IQCM: variants seen among roughly 807,000 people sequenced by gnomAD.
The protein encoded by IQCM is IQ domain-containing protein M.
IQCM carries 45 observed loss-of-function variants against 57.6 expected under a neutral mutation model. The observed-to-expected ratio is 0.78, with a 90% CI of 0.62 to 1.00. The LOEUF (loss-of-function observed/expected upper bound fraction) is 1.00. Among genes scored for constraint, IQCM ranks in the 50% least tolerant of loss-of-function variants. The probability of loss-of-function intolerance (pLI) is 0.00; values close to 1 mark genes in which losing one functional copy is unlikely to be tolerated. For synonymous variants in IQCM, 148 were observed against 158.9 expected (o/e 0.93, Z 0.51); for missense variants, 468 against 511.6 (o/e 0.91, Z 0.82).
At chr4:149,560,828 G>T (rs1230899509) in intron 10 of IQCM, among the ~76,000 whole-genome samples, 1 of 152,126 alleles carries the variant, frequency 6.6e-6, no homozygotes, top group Non-Finnish European at 1.5e-5. Context: ...CTCTGAAGTG[G>T]CAGTAAAGCA....
chr4:149,385,361 C>T (rs1377743868), intron 13 of IQCM, among the ~76,000 whole-genome samples: 1 of 151,888 alleles, frequency 6.6e-6, no homozygotes, highest in Non-Finnish European at 1.5e-5. Flanking sequence ...GCAGCCTGTG[C>T]CAGAATAACA....
intron 12 of IQCM, among the ~76,000 whole-genome samples, chr4:149,470,506 T>A (rs1739400770): frequency 6.6e-6 from 1 of 152,006 alleles, no homozygotes; most frequent in African/African-American, 2.4e-5. Flanking sequence ...AGACTTAGAC[T>A]CCCACACAAT....
At chr4:149,714,653 T>C (rs1219805781) in intron 5 of IQCM, among the ~76,000 whole-genome samples, 4 of 152,208 alleles carry the variant, frequency 2.6e-5, no homozygotes, top group African/African-American at 9.6e-5. Flanking sequence ...TAAAATTTAT[T>C]TACACATTAG....
intron 2 of IQCM, among the ~76,000 whole-genome samples, chr4:149,782,022 C>T (rs1771648147): frequency 6.6e-6 from 1 of 151,926 alleles, no homozygotes; most frequent in African/African-American, 2.4e-5. Context: ...AGAGAAGAGA[C>T]CGTGTCTCAA....
rs1265294672 is a variant in IQCM at position 149,686,476 on chromosome 4, T to C, written c.386-8A>G. Reference sequence around the variant, plus strand: ...TATCCAATTTAACTTGTCCTGAAATTTTGTTAAAGTTTTAATTGCATACTA... The same window carrying C: ...TATCCAATTTAACTTGTCCTGAAATCTTGTTAAAGTTTTAATTGCATACTA... On this transcript the variant is annotated splice_region_variant and splice_polypyrimidine_tract_variant and intron_variant, in intron 5 of 13. Transcript: ENST00000636793. 14 of 1,183,022 alleles carry C rather than the reference T, an allele frequency of 1.2e-5. No homozygotes were observed. The highest frequency in any genetic ancestry group is 1.4e-5 in the Non-Finnish European group (13 of 943,724). 73.3% of individuals were successfully genotyped at this position (1,183,022 alleles called of 1,614,324 possible).
chr4:149,797,023 G>C (rs978621879), intron 2 of IQCM, among the ~76,000 whole-genome samples: 1 of 151,998 alleles, frequency 6.6e-6, no homozygotes, highest in Non-Finnish European at 1.5e-5. Flanking sequence ...CACCTACGAA[G>C]TATCAAGACA....
chr4:149,588,465 T>C (rs1052798291), intron 8 of IQCM, among the ~76,000 whole-genome samples: 4 of 151,896 alleles, frequency 2.6e-5, no homozygotes, highest in Admixed American at 2.6e-4. Context: ...TGAGGTGTTA[T>C]GGACTGAACT....
intron 7 of IQCM, among the ~76,000 whole-genome samples, chr4:149,644,222 T>C (rs553513473): frequency 1.3e-5 from 2 of 152,298 alleles, no homozygotes; most frequent in Admixed American, 6.5e-5. Context: ...TTTAAATATA[T>C]ACCTACAGCT....
intron 9 of IQCM, among the ~76,000 whole-genome samples, chr4:149,564,915 C>T (rs1226804453): frequency 6.6e-6 from 1 of 152,060 alleles, no homozygotes; most frequent in Non-Finnish European, 1.5e-5. Flanking sequence ...GATTTACTAC[C>T]ATTAACAGAT....
At chr4:149,516,943 C>G (rs1745031036) in intron 12 of IQCM, among the ~76,000 whole-genome samples, 1 of 151,846 alleles carries the variant, frequency 6.6e-6, no homozygotes, top group African/African-American at 2.4e-5. Context: ...GTCTACTACT[C>G]CATAACAAAG....
intron 5 of IQCM, among the ~76,000 whole-genome samples, chr4:149,709,203 A>G (rs145739410): frequency 2.0e-5 from 3 of 152,262 alleles, no homozygotes; most frequent in Non-Finnish European, 2.9e-5. Context: ...ACATGGTCAC[A>G]TAAAACTAGA....
intron 8 of IQCM, among the ~76,000 whole-genome samples, chr4:149,592,876 G>T (rs1225768659): frequency 1.3e-5 from 2 of 152,154 alleles, no homozygotes; most frequent in Non-Finnish European, 1.5e-5. Context: ...AGTATAGTTT[G>T]AAGTCAGGTA....
intron 7 of IQCM, among the ~76,000 whole-genome samples, chr4:149,669,237 T>C (rs1229769056): frequency 6.6e-6 from 1 of 152,214 alleles, no homozygotes; most frequent in African/African-American, 2.4e-5. Context: ...TCAGTGATGA[T>C]GAGCATTTTT....
intron 3 of IQCM, among the ~76,000 whole-genome samples, chr4:149,739,483 T>C (rs917361563): frequency 2.8e-5 from 4 of 144,416 alleles, no homozygotes; most frequent in Non-Finnish European, 6.1e-5. Flanking sequence ...TTTTTTTTTT[T>C]AGTCAACCCT....
Position 149,441,411 on chromosome 4 carries a change from G to A in IQCM, c.1229-7854C>T, listed in dbSNP as rs553506783. On this transcript the variant is annotated intron_variant, in intron 12 of 13. Transcript: ENST00000636793. ...TATTCAAAATGAGATAAAATAAAAA[G>A]AAAAAGGGTTACTGATCCCAAGCCA... Among the ~76,000 whole-genome samples, 61 of 152,164 alleles carry A rather than the reference G, an allele frequency of 4.0e-4. No homozygotes were observed. In the East Asian group the frequency reaches 0.011, roughly 28 times the overall value.
chr4:149,379,012 C>T (rs766038622), intron 13 of IQCM, among the ~76,000 whole-genome samples: 3 of 152,190 alleles, frequency 2.0e-5, no homozygotes, highest in Non-Finnish European at 4.4e-5. Flanking sequence ...ACAGCTTGGG[C>T]CATGGCTTCA....
intron 5 of IQCM, among the ~76,000 whole-genome samples, chr4:149,716,169 T>C (rs1764977689): frequency 6.6e-6 from 1 of 152,138 alleles, no homozygotes; most frequent in Non-Finnish European, 1.5e-5. Context: ...ACCCAAGCTG[T>C]TCATGCCAAG....
chr4:149,467,373 C>T (rs972871259), intron 12 of IQCM, among the ~76,000 whole-genome samples: 1 of 152,094 alleles, frequency 6.6e-6, no homozygotes, highest in Admixed American at 6.5e-5. Context: ...GTAATAACAA[C>T]AAATATGTAT....
At chr4:149,481,701 GT>G (rs57465501) in intron 12 of IQCM, among the ~76,000 whole-genome samples, 1 of 51,574 alleles carries the variant, frequency 1.9e-5, no homozygotes, top group Non-Finnish European at 3.7e-5. Flanking sequence ...TTCCAGTTTT[GT>G]TTTTTTTTTT....
Sources: allele counts gnomAD v4.1 joint callset (sites outside exome capture counted in the v4.1 genomes callset), GRCh38; gene constraint gnomAD v4.1.1; transcripts MANE v1.5; gene names NCBI Gene and HGNC (gene_info 2026-07-23, HGNC 2026-07-21).